Variants in LDLRAD3 observed in about 807,000 individuals in gnomAD.
LDLRAD3 encodes low density lipoprotein receptor class A domain containing 3, also known as low-density lipoprotein receptor class A domain-containing protein 3.
LDLRAD3 carries 20 observed loss-of-function variants against 29.4 expected under a neutral mutation model. That is an observed-to-expected ratio of 0.68 (90% confidence interval 0.48 to 0.99). The LOEUF is 0.99. Among genes scored for constraint, LDLRAD3 ranks in the 50% least tolerant of loss-of-function variants. LDLRAD3 has a pLI of 0.00. For missense variants in LDLRAD3, 420 were observed against 454.3 expected (o/e 0.92, Z 0.69); for synonymous variants, 157 against 192.7 (o/e 0.81, Z 1.53).
intron 1 of LDLRAD3, among the ~76,000 whole-genome samples, chr11:35,945,656 G>A (rs1277541811): frequency 6.6e-6 from 1 of 152,222 alleles, no homozygotes; most frequent in East Asian, 1.9e-4. Flanking sequence ...AATTCAATCT[G>A]TGTAGCTGTG....
At position 36,041,866 on chromosome 11, in the gene LDLRAD3, G is replaced by T. The variant is rs75294200; in HGVS notation, c.193+5617G>T. 4.2e-5 allele frequency among the ~76,000 whole-genome samples: 5 copies of T among 119,680 alleles called. No individual in the cohort carries two copies. The East Asian group carries it at 1.3e-3, about 32-fold the overall frequency. 78.5% of individuals were successfully genotyped at this position (119,680 alleles called of 152,430 possible). A position where few individuals can be genotyped will look rare whatever the true frequency, so the allele number is the denominator to read the frequency against. ...CAGACCTGGCCCTTTATGTTTGGTG[G>T]GTGTGTTTGGTTGAGGGGGGTGTGG... is the stretch of plus-strand genomic sequence containing the variant. On this transcript the variant is annotated intron_variant, in intron 2 of 5. Transcript: ENST00000315571.
intron 2 of LDLRAD3, among the ~76,000 whole-genome samples, chr11:36,045,966 T>C (rs1416559873): frequency 6.6e-6 from 1 of 151,918 alleles, no homozygotes; most frequent in African/African-American, 2.4e-5. Context: ...CCTCCCTTCG[T>C]CCCCCACCCC....
chr11:36,212,868 AT>A (rs1855302187), intron 4 of LDLRAD3, among the ~76,000 whole-genome samples: 1 of 152,204 alleles, frequency 6.6e-6, no homozygotes, highest in African/African-American at 2.4e-5. Context: ...TATTGAAAGG[AT>A]GGAATGCAGC....
At chr11:36,045,234 C>T (rs751286799) in intron 2 of LDLRAD3, among the ~76,000 whole-genome samples, 41 of 152,290 alleles carry the variant, frequency 2.7e-4, no homozygotes, top group African/African-American at 7.7e-4. Flanking sequence ...ACTTAACATG[C>T]GTTTGACTGT....
intron 1 of LDLRAD3, among the ~76,000 whole-genome samples, chr11:35,969,703 C>T (rs1851388488): frequency 1.3e-5 from 2 of 152,124 alleles, no homozygotes; most frequent in Non-Finnish European, 2.9e-5. Context: ...TGGAATGCAG[C>T]CAGATGTTGG....
At chr11:36,030,461 T>C (rs1565173047) in intron 1 of LDLRAD3, among the ~76,000 whole-genome samples, 1 of 151,928 alleles carries the variant, frequency 6.6e-6, no homozygotes, top group Non-Finnish European at 1.5e-5. Context: ...TGTGTGTGTG[T>C]GTGTGTGTGT....
At chr11:36,134,775 C>T (rs143314616) in intron 4 of LDLRAD3, among the ~76,000 whole-genome samples, 91 of 152,292 alleles carry the variant, frequency 6.0e-4, no homozygotes, top group African/African-American at 2.1e-3. Context: ...TGAGAACCTC[C>T]CCTCTTGCTG....
chr11:35,974,465 G>A (rs1000708045), intron 1 of LDLRAD3, among the ~76,000 whole-genome samples: 2 of 152,126 alleles, frequency 1.3e-5, no homozygotes, highest in Non-Finnish European at 2.9e-5. Flanking sequence ...CAGTTTCTGC[G>A]GGCCAGGAGC....
At chr11:35,945,473 T>C (rs1256586640) in intron 1 of LDLRAD3, among the ~76,000 whole-genome samples, 2 of 152,192 alleles carry the variant, frequency 1.3e-5, no homozygotes, top group Admixed American at 1.3e-4. Flanking sequence ...TCCTGGTGAC[T>C]GCTGTGGATT....
At chr11:36,228,137 T>C (rs1466917488) in intron 5 of LDLRAD3, among the ~76,000 whole-genome samples, 2 of 152,226 alleles carry the variant, frequency 1.3e-5, no homozygotes, top group Non-Finnish European at 2.9e-5. Flanking sequence ...CCTCAAGCTC[T>C]GCCGTGTATG....
chr11:35,982,290 G>A (rs1851551595), intron 1 of LDLRAD3, among the ~76,000 whole-genome samples: 1 of 151,980 alleles, frequency 6.6e-6, no homozygotes, highest in Non-Finnish European at 1.5e-5. Flanking sequence ...CATTCCCTTG[G>A]TCTCTGCCTT....
chr11:36,207,455 G>A lies in LDLRAD3; in HGVS notation c.455-19630G>A, dbSNP rs189462447. 8.5e-5 allele frequency among the ~76,000 whole-genome samples: 13 copies of A among 152,262 alleles called. No homozygotes were observed. In the South Asian group the frequency reaches 1.0e-3, roughly 12 times the overall value. The stretch of plus-strand genomic sequence containing the variant: ...GGGAAACAGAGGGAGTTCAAGATCA[G>A]CCTGGGCAGCATAAGGAGACCCTGT... On this transcript the variant is annotated intron_variant, in intron 4 of 5. Transcript: ENST00000315571.
intron 1 of LDLRAD3, among the ~76,000 whole-genome samples, chr11:35,963,965 G>A (rs552427123): frequency 1.1e-3 from 170 of 152,156 alleles, no homozygotes; most frequent in Non-Finnish European, 1.7e-3. Flanking sequence ...TAATGTTGCT[G>A]GAGTTAGAGG....
intron 2 of LDLRAD3, among the ~76,000 whole-genome samples, chr11:36,048,896 A>G (rs1188083227): frequency 4.6e-5 from 7 of 152,186 alleles, no homozygotes; most frequent in Non-Finnish European, 1.0e-4. Context: ...TTTTAAACCA[A>G]TTCTTTTGCA....
intron 3 of LDLRAD3, among the ~76,000 whole-genome samples, chr11:36,094,616 AC>A (rs1401489404): frequency 6.6e-6 from 1 of 151,998 alleles, no homozygotes; most frequent in Non-Finnish European, 1.5e-5. Context: ...GCTCATTTCA[AC>A]TTCTGCCTCT....
At chr11:35,968,219 A>G (rs1340061238) in intron 1 of LDLRAD3, 7 of 404,384 alleles carry the variant, frequency 1.7e-5, no homozygotes, top group Admixed American at 9.7e-5. Flanking sequence ...ATAATTTTCT[A>G]TAGGACTTTG....
chr11:35,966,787 G>T, intron 1 of LDLRAD3, among the ~76,000 whole-genome samples: 1 of 152,200 alleles, frequency 6.6e-6, no homozygotes, highest in East Asian at 1.9e-4. Flanking sequence ...TATATATTAG[G>T]AGACCCACTT....
intron 4 of LDLRAD3, among the ~76,000 whole-genome samples, chr11:36,194,178 C>A (rs1174084207): frequency 6.7e-6 from 1 of 149,676 alleles, no homozygotes; most frequent in African/African-American, 2.5e-5. Flanking sequence ...GTACCTTAGC[C>A]CCCTGAGTTG....
intron 1 of LDLRAD3, among the ~76,000 whole-genome samples, chr11:35,956,508 G>T (rs1030174916): frequency 6.6e-6 from 1 of 152,160 alleles, no homozygotes; most frequent in Non-Finnish European, 1.5e-5. Flanking sequence ...AGTGATACAT[G>T]TGCATATTAA....
Sources: gnomAD v4.1 joint callset for allele counts (sites outside exome capture counted in the v4.1 genomes callset) on GRCh38, gnomAD v4.1.1 for gene constraint, MANE v1.5 for transcripts, NCBI Gene and HGNC (gene_info 2026-07-23, HGNC 2026-07-21) for gene names.